NRXN3: variants seen among roughly 807,000 people sequenced by gnomAD.
The protein encoded by NRXN3 is neurexin 3, also known as neurexin III.
In NRXN3, 32 loss-of-function variants were observed where a neutral mutation model predicts 137.6. The observed-to-expected ratio is 0.23, with a 90% confidence interval of 0.18 to 0.31. The LOEUF (loss-of-function observed/expected upper bound fraction) is 0.31. Among genes scored for constraint, NRXN3 ranks in the 10% least tolerant of loss-of-function variants. The pLI, the probability that NRXN3 is intolerant of heterozygous loss-of-function variation, is 1.00. For synonymous variants in NRXN3, 798 were observed against 784.5 expected (o/e 1.02, Z -0.29); for missense variants, 1,574 against 2,062.5 (o/e 0.76, Z 4.59).
chr14:78,530,543 C>A (rs1055420055), intron 4 of NRXN3, among the ~76,000 whole-genome samples: 1 of 152,334 alleles, frequency 6.6e-6, no homozygotes, highest in East Asian at 1.9e-4. Context: ...AGGGGAACCA[C>A]CAGTGCCCTT....
chr14:79,408,581 C>G (rs2095357392), intron 15 of NRXN3, among the ~76,000 whole-genome samples: 2 of 152,080 alleles, frequency 1.3e-5, no homozygotes, highest in South Asian at 4.1e-4. Context: ...TTTGCAGCCA[C>G]CCAATGACTT....
intron 4 of NRXN3, among the ~76,000 whole-genome samples, chr14:78,305,315 A>AG (rs2077261310): frequency 6.6e-6 from 1 of 152,068 alleles, no homozygotes; most frequent in Admixed American, 6.6e-5. Context: ...GCCGGGCAGC[A>AG]GGGGGATTTA....
intron 15 of NRXN3, among the ~76,000 whole-genome samples, chr14:79,426,912 T>C (rs1338833647): frequency 2.0e-5 from 3 of 152,246 alleles, no homozygotes; most frequent in Non-Finnish European, 4.4e-5. Flanking sequence ...GGGTGTTTTA[T>C]TCTTTAGCCT....
chr14:79,411,100 G>A (rs932986311), intron 15 of NRXN3, among the ~76,000 whole-genome samples: 2 of 152,020 alleles, frequency 1.3e-5, no homozygotes, highest in Non-Finnish European at 2.9e-5. Flanking sequence ...TGTCCAAGTG[G>A]TTACTGTGTG....
intron 10 of NRXN3, among the ~76,000 whole-genome samples, chr14:78,923,003 T>C (rs2099275269): frequency 6.6e-6 from 1 of 152,242 alleles, no homozygotes; most frequent in Non-Finnish European, 1.5e-5. Flanking sequence ...CTCAGTCTTA[T>C]TCCAGTCTGC....
At chr14:79,634,109 T>A (rs1321778127) in intron 16 of NRXN3, among the ~76,000 whole-genome samples, 1 of 152,206 alleles carries the variant, frequency 6.6e-6, no homozygotes, top group Non-Finnish European at 1.5e-5. Context: ...ATGATTTTTC[T>A]ACGGAAACAG....
chr14:79,715,558 A>G (rs866016390), intron 19 of NRXN3, among the ~76,000 whole-genome samples: 1 of 152,234 alleles, frequency 6.6e-6, no homozygotes, highest in Non-Finnish European at 1.5e-5. Context: ...TTTAGTCGAT[A>G]AACACTTAAT....
At chr14:78,436,604 G>A (rs2094075109) in intron 4 of NRXN3, among the ~76,000 whole-genome samples, 1 of 152,218 alleles carries the variant, frequency 6.6e-6, no homozygotes. Context: ...CCACCCACAT[G>A]TGCTATTGAG....
chr14:78,607,136 G>A (rs61393149), intron 4 of NRXN3, among the ~76,000 whole-genome samples: 19,039 of 151,356 alleles, frequency 0.13, 1,567 homozygotes, highest in African/African-American at 0.23. Context: ...AAAGAGCTCT[G>A]TCTCCTCCCT....
intron 1 of NRXN3, among the ~76,000 whole-genome samples, chr14:78,190,652 T>TTTATTTATTTAC (rs1295446008): frequency 0.01 from 700 of 67,390 alleles, 5 homozygotes; most frequent in African/African-American, 0.03. Context: ...TATTTATTTA[T>TTTATTTATTTAC]TTACTTACTT....
At chr14:79,686,073 C>T (rs2098693561) in intron 17 of NRXN3, among the ~76,000 whole-genome samples, 1 of 151,870 alleles carries the variant, frequency 6.6e-6, no homozygotes, top group Non-Finnish European at 1.5e-5. Flanking sequence ...GCGGGTGGAT[C>T]ACGAGGTCAG....
At chr14:79,122,494 A>G (rs1442551378) in intron 15 of NRXN3, among the ~76,000 whole-genome samples, 1 of 152,212 alleles carries the variant, frequency 6.6e-6, no homozygotes, top group Non-Finnish European at 1.5e-5. Context: ...CAGATACTAC[A>G]TGGGATACAT....
chr14:78,981,237 C>A (rs768294170), intron 14 of NRXN3, among the ~76,000 whole-genome samples: 67 of 152,100 alleles, frequency 4.4e-4, no homozygotes, highest in Non-Finnish European at 8.2e-4. Context: ...GAAAGTTTTC[C>A]TTGTAAAAAA....
intron 2 of NRXN3, among the ~76,000 whole-genome samples, chr14:78,260,805 G>A (rs2070576825): frequency 1.3e-5 from 2 of 152,154 alleles, no homozygotes; most frequent in South Asian, 2.1e-4. Context: ...TTTGTAAATT[G>A]CCCATTCTCG....
chr14:78,289,617 T>C (rs903984079), intron 3 of NRXN3, among the ~76,000 whole-genome samples: 3 of 152,044 alleles, frequency 2.0e-5, no homozygotes, highest in Admixed American at 6.5e-5. Flanking sequence ...TGTACAACTT[T>C]AAAAACGCTC....
chr14:79,279,178 C>A (rs964501778), intron 15 of NRXN3, among the ~76,000 whole-genome samples: 1 of 152,080 alleles, frequency 6.6e-6, no homozygotes, highest in Non-Finnish European at 1.5e-5. Context: ...GGAGGGCGGG[C>A]GGCGTGTGCT....
At chr14:79,699,354 C>CA (rs2098746424) in intron 19 of NRXN3, among the ~76,000 whole-genome samples, 1 of 152,034 alleles carries the variant, frequency 6.6e-6, no homozygotes, top group Non-Finnish European at 1.5e-5. Context: ...TCTGTCTGCA[C>CA]AGGTCTTGGC....
intron 15 of NRXN3, among the ~76,000 whole-genome samples, chr14:79,093,181 A>G (rs1004193374): frequency 6.6e-6 from 1 of 152,192 alleles, no homozygotes; most frequent in Non-Finnish European, 1.5e-5. Context: ...TACATTGACC[A>G]GCCAAATGTA....
rs928014111 is a variant in NRXN3 at position 79,642,583 on chromosome 14, G to A, written c.3445-21195G>A. ...CACTGATACAAATATTGACCAGGTA[G>A]GTTGTAAAGGACATGGTTCTGTGGC... On this transcript the variant is annotated intron_variant, in intron 16 of 20. Coordinates refer to ENST00000335750, the MANE Select transcript of NRXN3 (RefSeq NM_001330195.2). 6.0e-5 allele frequency among the ~76,000 whole-genome samples: 8 copies of A among 133,894 alleles called. 1 individual carries two copies. The highest frequency in any genetic ancestry group is 2.0e-4 in the African/African-American group (8 of 40,516). 87.8% of individuals were successfully genotyped at this position (133,894 alleles called of 152,430 possible).
Sources: allele counts gnomAD v4.1 joint callset (sites outside exome capture counted in the v4.1 genomes callset), GRCh38; gene constraint gnomAD v4.1.1; transcripts MANE v1.5; gene names NCBI Gene and HGNC (gene_info 2026-07-23, HGNC 2026-07-21).